The following SLC4A1 variants were observed in gnomAD, a reference collection of about 807,000 sequenced individuals.
SLC4A1 encodes solute carrier family 4 member 1 (Diego blood group).
SLC4A1 carries 29 observed loss-of-function variants against 93.1 expected under a neutral mutation model. The ratio of observed to expected loss-of-function variants is 0.31; its 90% CI spans 0.23 to 0.42. The LOEUF (loss-of-function observed/expected upper bound fraction) is 0.42. Ranked by LOEUF, SLC4A1 falls within the 20% of genes least tolerant of loss-of-function variation. The pLI is 1.00. For synonymous variants in SLC4A1, 469 were observed against 497.2 expected (o/e 0.94, Z 0.76); for missense variants, 965 against 1,190.1 (o/e 0.81, Z 2.78).
At chr17:44,267,735 A>G (rs1319736020) in intron 1 of SLC4A1, among the ~76,000 whole-genome samples, 1 of 152,142 alleles carries the variant, frequency 6.6e-6, no homozygotes, top group Non-Finnish European at 1.5e-5. Context: ...TGGGGTGGAC[A>G]AGACCTGACC....
rs371233974 is a variant in SLC4A1 at position 44,258,404 on chromosome 17, G to C, written c.1087+9C>G. 1 of 1,613,536 alleles carries C rather than the reference G, an allele frequency of 6.2e-7. No homozygotes were observed. The highest frequency in any genetic ancestry group is 8.5e-7 in the Non-Finnish European group (1 of 1,179,644). The stretch of plus-strand genomic sequence containing the variant: ...GGCTCAGAAAGCCTCAGCTGGGAAG[G>C]GCAGGTACCTAGGCCCTTGTAGAAG... On this transcript the variant is annotated intron_variant, in intron 10 of 19. Transcript: ENST00000262418. This position sits in a 1 kb window ranked among gnomAD's most constrained non-coding sequence, Gnocchi z 6.1.
chr17:44,263,852 C>T (rs1055566616), intron 1 of SLC4A1, among the ~76,000 whole-genome samples: 1 of 151,326 alleles, frequency 6.6e-6, no homozygotes, highest in Non-Finnish European at 1.5e-5. Flanking sequence ...TCACTGCAGC[C>T]TTGAACTCCT....
chr17:44,262,360 G>T (rs1246889804), intron 3 of SLC4A1, among the ~76,000 whole-genome samples: 1 of 152,256 alleles, frequency 6.6e-6, no homozygotes, highest in Non-Finnish European at 1.5e-5. Flanking sequence ...GATGGGCACA[G>T]ATGGCATGTG....
rs553513566 is a variant in SLC4A1 at position 44,251,361 on chromosome 17, A to G, written c.2482-29T>C. ...CAGGCGGAGGCTGGGGTCAGTGCCT[A>G]TCACACCCCAGCACCCTCTACCACC... On this transcript the variant is annotated intron_variant, in intron 18 of 19. Transcript: ENST00000262418. 3 of 1,614,182 alleles carry G rather than the reference A, an allele frequency of 1.9e-6. No homozygotes were observed. In the African/African-American group the frequency reaches 4.0e-5, roughly 22 times the overall value.
chr17:44,258,655 G>A lies in SLC4A1; in HGVS notation c.877-32C>T, dbSNP rs374504929. The A allele has an allele frequency of 2.6e-5, 40 of 1,552,396 alleles. No individual in the cohort carries two copies. The highest frequency in any genetic ancestry group is 1.9e-4 in the African/African-American group (14 of 72,994). On this transcript the variant is annotated intron_variant, in intron 9 of 19. Coordinates refer to ENST00000262418, the MANE Select transcript of SLC4A1 (RefSeq NM_000342.4). The surrounding 1 kb of genome is among the most constrained non-coding windows in gnomAD (Gnocchi z 6.1). ...GCAGGAGACAGGGTCAGAGCTGCCC[G>A]GACCTGCGGAGGGAAAGGACCCAGG...
intron 14 of SLC4A1, 102 bp downstream of exon 14, chr17:44,255,571 G>T: frequency 7.9e-7 from 1 of 1,268,928 alleles, no homozygotes; most frequent in Non-Finnish European, 1.1e-6. Flanking sequence ...ATGGGAATCT[G>T]AAAAAGAAGG....
chr17:44,266,563 C>T (rs905677757), intron 1 of SLC4A1, among the ~76,000 whole-genome samples: 2 of 152,170 alleles, frequency 1.3e-5, no homozygotes, highest in South Asian at 2.1e-4. Context: ...AATGGGAGTG[C>T]CTTCCTGCCA....
rs1970774 is a variant in SLC4A1, at chr17:44,257,284, A to G, written c.1626+66T>C. ...TGAGATTACAGGCCTGAGCCCTCGC[A>G]CCCGGCCACTGTCTCAGTCTTATAC... On this transcript the variant is annotated intron_variant, in intron 13 of 19. Transcript: ENST00000262418. 61,499 of 1,511,796 alleles carry G rather than the reference A, an allele frequency of 0.041. 1,422 individuals carry two copies. The highest frequency in any genetic ancestry group is 0.045 in the Non-Finnish European group (49,284 of 1,087,666). 93.6% of individuals were successfully genotyped at this position (1,511,796 alleles called of 1,614,324 possible). A position where few individuals can be genotyped will look rare whatever the true frequency, so the allele number is the denominator to read the frequency against.
intron 1 of SLC4A1, among the ~76,000 whole-genome samples, chr17:44,267,023 G>C (rs1567838502): frequency 6.6e-6 from 1 of 152,156 alleles, no homozygotes; most frequent in Non-Finnish European, 1.5e-5. Flanking sequence ...AGAGGAAGAA[G>C]AGTAATGTCA....
chr17:44,267,704 C>A (rs2047506000), intron 1 of SLC4A1, among the ~76,000 whole-genome samples: 1 of 152,092 alleles, frequency 6.6e-6, no homozygotes, highest in Non-Finnish European at 1.5e-5. Context: ...GTCTGAGGAC[C>A]CCATTAGGAA....
At chr17:44,260,038 G>C in intron 6 of SLC4A1, 106 bp from the exon 7 acceptor site, 1 of 1,455,642 alleles carries the variant, frequency 6.9e-7, no homozygotes, top group Middle Eastern at 2.4e-4. Flanking sequence ...AGACATCAAG[G>C]GTAGACATCT....
At position 44,251,245 on chromosome 17, in the gene SLC4A1, G is replaced by C; in HGVS notation, c.2569C>G (p.Leu857Val). ...AGGATGAGGACGAAGGGCAGGGCCA[G>C]GGAGGCCGGCGTGGACTTCACCACC... Reference protein sequence around the residue: ...LWVVKSTPASLALPFVLILTV... With the variant: ...LWVVKSTPASVALPFVLILTV... Residue 857 changes from leucine to valine, a missense_variant, in exon 19 of 20, where the codon CTG (leucine) becomes GTG (valine). Around this residue, in one of 2 missense-constraint regions of SLC4A1, gnomAD observed 770 missense variants for 1,006.6 expected, o/e 0.76. Coordinates refer to ENST00000262418, the MANE Select transcript of SLC4A1 (RefSeq NM_000342.4). The C allele has an allele frequency of 6.2e-7, 1 of 1,614,236 alleles. No individual in the cohort carries two copies. The highest frequency in any genetic ancestry group is 1.1e-5 in the South Asian group (1 of 91,092).
intron 4 of SLC4A1, 118 bp from the exon 5 acceptor site, chr17:44,260,933 C>T (rs988749896): frequency 1.8e-5 from 21 of 1,150,448 alleles, no homozygotes; most frequent in African/African-American, 3.0e-5. Context: ...CTCAAGGGTC[C>T]GTAGATACGG....
chr17:44,261,958 T>G (rs1018295869), intron 3 of SLC4A1: 4 of 1,218,678 alleles, frequency 3.3e-6, no homozygotes, highest in African/African-American at 1.6e-5. Context: ...GTGGCAATTT[T>G]CAGGATCCTC....
chr17:44,249,499 G>A lies in SLC4A1; in HGVS notation c.*959C>T, dbSNP rs2047320830. 3 of 173,762 alleles carry A rather than the reference G, an allele frequency of 1.7e-5. No homozygotes were observed. Among genetic ancestry groups the A allele is most frequent in the Non-Finnish European group, 3.1e-5 (3 of 96,954 alleles). 10.8% of individuals were successfully genotyped at this position (173,762 alleles called of 1,614,324 possible). ...ACCCTCCCCCACTCCCTATCCAAAT[G>A]TAGAATCAACTGTACCTTGCCCCCC... On this transcript the variant is annotated 3_prime_UTR_variant, in exon 20 of 20. Transcript: ENST00000262418.
At position 44,259,321 on chromosome 17, in the gene SLC4A1, G is replaced by A; in HGVS notation, c.718C>T (p.Pro240Ser). 6.2e-7 allele frequency: 1 copy of A among 1,613,788 alleles called. No individual in the cohort carries two copies. The highest frequency in any genetic ancestry group is 8.5e-7 in the Non-Finnish European group (1 of 1,179,968). The change falls in exon 9 of 20, where the codon CCG becomes TCG. Residue 240 changes from proline to serine, a missense_variant. By Grantham distance (74) the Pro-to-Ser change is moderately conservative (BLOSUM62 -1). Transcript: ENST00000262418. ...TGCAGCCTCACGAAGCCCAGCACCG[G>A]CTGCTCCAGGAAGTCGGCGCGGCCT... ...LVGRADFLEQPVLGFVRLQEA... is the reference protein window; with the variant it reads ...LVGRADFLEQSVLGFVRLQEA...
In SLC4A1 at chr17:44,255,750, G is replaced by C; in HGVS notation, c.1723C>G (p.Leu575Val). 1.9e-6 allele frequency: 3 copies of C among 1,614,136 alleles called. No homozygotes were observed. Among genetic ancestry groups the C allele is most frequent in the Non-Finnish European group, 2.5e-6 (3 of 1,180,018 alleles). Reference sequence around the variant, plus strand: ...AAGAAGGTACCGGCCATGAGCACAAGGGAGAGGAGGGCTGTGTTGGGCAGG... The same window carrying C: ...AAGAAGGTACCGGCCATGAGCACAACGGAGAGGAGGGCTGTGTTGGGCAGG... ...GPLPNTALLS[L>V]VLMAGTFFFA... Residue 575 changes from leucine to valine, a missense_variant, in exon 14 of 20, where the codon CTT becomes GTT. By Grantham distance (32) the Leu-to-Val change is conservative. Around this residue, in one of 2 missense-constraint regions of SLC4A1, gnomAD observed 770 missense variants for 1,006.6 expected, o/e 0.76. Transcript: ENST00000262418.
At chr17:44,263,742 A>ATCCCTGCTTCCTTCCTTCCTTCCTCCC (rs2047472063) in intron 1 of SLC4A1, among the ~76,000 whole-genome samples, 1 of 103,560 alleles carries the variant, frequency 9.7e-6, no homozygotes, top group African/African-American at 4.4e-5. Context: ...TCCTTCCTCC[A>ATCCCTGCTTCCTTCCTTCCTTCCTCCC]TCCCTGCTTC....
At chr17:44,251,018 G>T in intron 19 of SLC4A1, 141 bp downstream of exon 19, 3 of 907,760 alleles carry the variant, frequency 3.3e-6, no homozygotes, top group Non-Finnish European at 5.2e-6. Flanking sequence ...CAGATCATAT[G>T]CTAGGACACA....
Sources: gnomAD v4.1 joint callset for allele counts (sites outside exome capture counted in the v4.1 genomes callset) on GRCh38, gnomAD v4.1.1 for gene constraint, gnomAD v4.1.1 regional missense constraint, Gnocchi (gnomAD v3.1) non-coding constraint, MANE v1.5 for transcripts, NCBI Gene and HGNC (gene_info 2026-07-23, HGNC 2026-07-21) for gene names.